Variants in COL25A1 observed in about 807,000 individuals in gnomAD.
The protein encoded by COL25A1 is collagen alpha-1(XXV) chain.
COL25A1 carries 103 observed loss-of-function variants against 128.4 expected under a neutral mutation model. The ratio of observed to expected loss-of-function variants is 0.80; its 90% confidence interval spans 0.68 to 0.94. COL25A1 has a LOEUF of 0.94. Ranked by LOEUF, COL25A1 falls within the 40% of genes least tolerant of loss-of-function variation. COL25A1 has a pLI of 0.00. For synonymous variants in COL25A1, 279 were observed against 277.2 expected (o/e 1.01, Z -0.06); for missense variants, 745 against 840.0 (o/e 0.89, Z 1.40).
intron 5 of COL25A1, among the ~76,000 whole-genome samples, chr4:109,031,366 T>C (rs945176880): frequency 6.6e-6 from 1 of 152,136 alleles, no homozygotes; most frequent in African/African-American, 2.4e-5. Context: ...TCCGCCCGCC[T>C]CGGCCTCCCA....
At chr4:109,041,815 G>A (rs956037612) in intron 5 of COL25A1, among the ~76,000 whole-genome samples, 4 of 152,032 alleles carry the variant, frequency 2.6e-5, no homozygotes, top group Admixed American at 6.6e-5. Flanking sequence ...GATAGCCTTG[G>A]AACACACATG....
intron 3 of COL25A1, among the ~76,000 whole-genome samples, chr4:109,228,751 T>G (rs1160364963): frequency 2.0e-5 from 3 of 152,176 alleles, no homozygotes; most frequent in Non-Finnish European, 4.4e-5. Context: ...TCCAGATCCC[T>G]TTCTTGACCA....
chr4:109,140,447 GT>G (rs1283693586), intron 3 of COL25A1, among the ~76,000 whole-genome samples: 14 of 151,684 alleles, frequency 9.2e-5, no homozygotes, highest in African/African-American at 3.4e-4. Flanking sequence ...ATTTAAAGTA[GT>G]TTTTTTTCTA....
At chr4:109,227,710 T>C (rs1778899243) in intron 3 of COL25A1, among the ~76,000 whole-genome samples, 2 of 152,146 alleles carry the variant, frequency 1.3e-5, no homozygotes, top group South Asian at 4.1e-4. Flanking sequence ...ATAAGGAATA[T>C]ATAAGAAAAA....
At chr4:108,965,821 A>G (rs1360954749) in intron 8 of COL25A1, among the ~76,000 whole-genome samples, 1 of 152,162 alleles carries the variant, frequency 6.6e-6, no homozygotes, top group Non-Finnish European at 1.5e-5. Context: ...AATGAAGTTC[A>G]TTTTTTTGCA....
At chr4:109,254,677 T>C (rs1038304812) in intron 3 of COL25A1, among the ~76,000 whole-genome samples, 3 of 151,664 alleles carry the variant, frequency 2.0e-5, no homozygotes, top group Admixed American at 1.3e-4. Flanking sequence ...ATATAGTAGA[T>C]AGTAAGTAAA....
At chr4:108,826,140 C>T (rs187140148) in intron 33 of COL25A1, among the ~76,000 whole-genome samples, 36 of 152,242 alleles carry the variant, frequency 2.4e-4, no homozygotes, top group African/African-American at 6.7e-4. Context: ...ATGCAACGTA[C>T]GCTTCTACTG....
At chr4:108,924,998 T>C (rs924130460) in intron 11 of COL25A1, among the ~76,000 whole-genome samples, 2 of 152,200 alleles carry the variant, frequency 1.3e-5, no homozygotes, top group African/African-American at 4.8e-5. Context: ...TAATCATAAT[T>C]GTCTGGTTAC....
In COL25A1 at chr4:108,834,633, C is replaced by T. The variant is rs372960663; in HGVS notation, c.1657-2200G>A. Among the ~76,000 whole-genome samples the T allele has an allele frequency of 3.3e-5, 5 of 151,868 alleles. No individual in the cohort carries two copies. The East Asian group carries it at 9.7e-4, about 29-fold the overall frequency. On this transcript the variant is annotated intron_variant, in intron 31 of 37. Coordinates refer to ENST00000399132, the MANE Select transcript of COL25A1 (RefSeq NM_198721.4). Reference sequence around the variant, plus strand: ...ATTTGACAAGTTCTTATTTAGAAATCAAGCTAATGAAGTGTATAAACTGGG... The same window carrying T: ...ATTTGACAAGTTCTTATTTAGAAATTAAGCTAATGAAGTGTATAAACTGGG...
intron 3 of COL25A1, among the ~76,000 whole-genome samples, chr4:109,270,582 C>T (rs968756401): frequency 6.6e-6 from 1 of 152,160 alleles, no homozygotes; most frequent in Non-Finnish European, 1.5e-5. Context: ...AGAATACAGT[C>T]TAGCACTGCT....
rs1745081344 is a variant in COL25A1 at position 108,918,166 on chromosome 4, A to T, written c.780+6T>A. The T allele has an allele frequency of 6.3e-7, 1 of 1,578,426 alleles. No homozygotes were observed. Among genetic ancestry groups the T allele is most frequent in the African/African-American group, 1.3e-5 (1 of 74,232 alleles). ...TTTTTAAAATACAATATTCTATAGA[A>T]CTCACCTTTTGCCCATTCATCCCTG... On this transcript the variant is annotated splice_donor_region_variant and intron_variant, in intron 13 of 37. Transcript: ENST00000399132.
chr4:109,247,907 G>A (rs1441872780), intron 3 of COL25A1, among the ~76,000 whole-genome samples: 1 of 152,034 alleles, frequency 6.6e-6, no homozygotes, highest in African/African-American at 2.4e-5. Flanking sequence ...GGTCAAGAAG[G>A]GAGAGAGATA....
At chr4:108,876,347 A>G (rs1277269728) in intron 19 of COL25A1, among the ~76,000 whole-genome samples, 7 of 152,002 alleles carry the variant, frequency 4.6e-5, no homozygotes, top group Non-Finnish European at 1.0e-4. Context: ...GGAGAGAGAA[A>G]TAATAGAGAG....
At chr4:109,129,665 T>C (rs1768981254) in intron 3 of COL25A1, among the ~76,000 whole-genome samples, 1 of 152,190 alleles carries the variant, frequency 6.6e-6, no homozygotes, top group Non-Finnish European at 1.5e-5. Context: ...GGCTAGTCTT[T>C]GATTTGTAAA....
intron 8 of COL25A1, among the ~76,000 whole-genome samples, chr4:108,971,573 G>T (rs1461609631): frequency 6.6e-6 from 1 of 152,224 alleles, no homozygotes; most frequent in Admixed American, 6.5e-5. Flanking sequence ...AGTGCAGTGT[G>T]TCTGAAGAGG....
intron 8 of COL25A1, among the ~76,000 whole-genome samples, chr4:108,951,726 A>C (rs1454024984): frequency 1.3e-5 from 2 of 152,172 alleles, no homozygotes; most frequent in Non-Finnish European, 2.9e-5. Flanking sequence ...TCCTCTTTGC[A>C]GGAAACTTAT....
chr4:109,152,453 C>T (rs1240969165), intron 3 of COL25A1, among the ~76,000 whole-genome samples: 1 of 152,118 alleles, frequency 6.6e-6, no homozygotes, highest in Non-Finnish European at 1.5e-5. Flanking sequence ...AAATTATTCT[C>T]CCCTGATAAT....
intron 5 of COL25A1, among the ~76,000 whole-genome samples, chr4:109,013,484 C>CCACACTGTGTTGGCTTTGTTCTT (rs1756875872): frequency 6.6e-6 from 1 of 151,080 alleles, no homozygotes; most frequent in African/African-American, 2.4e-5. Flanking sequence ...GAGTCCCCTT[C>CCACACTGTGTTGGCTTTGTTCTT]CACACTGTGT....
chr4:109,233,494 G>GA, intron 3 of COL25A1, among the ~76,000 whole-genome samples: 1 of 149,680 alleles, frequency 6.7e-6, no homozygotes, highest in East Asian at 1.9e-4. Flanking sequence ...CTGACTATTG[G>GA]AAAAAGTCAT....
Sources: allele counts gnomAD v4.1 joint callset (sites outside exome capture counted in the v4.1 genomes callset), GRCh38; gene constraint gnomAD v4.1.1; transcripts MANE v1.5; gene names NCBI Gene and HGNC (gene_info 2026-07-23, HGNC 2026-07-21).